The following ADGRE3 variants were observed in gnomAD, a reference collection of about 807,000 sequenced individuals.
The protein encoded by ADGRE3 is EGF-like module receptor 3.
A neutral mutation model predicts 80.1 loss-of-function variants in ADGRE3; 88 were observed. That is an observed-to-expected ratio of 1.10 (90% CI 0.93 to 1.31). The LOEUF (loss-of-function observed/expected upper bound fraction) is 1.31. ADGRE3 is among the 40% of genes most tolerant of loss of function. The pLI is 0.00. For synonymous variants in ADGRE3, 281 were observed against 294.8 expected (o/e 0.95, Z 0.48); for missense variants, 715 against 776.5 (o/e 0.92, Z 0.94).
At chr19:14,628,445 T>A (rs577107165) in intron 14 of ADGRE3, among the ~76,000 whole-genome samples, 40 of 151,456 alleles carry the variant, frequency 2.6e-4, no homozygotes, top group African/African-American at 5.6e-4. Context: ...TCTCAAAAAA[T>A]AAATAAATAA....
intron 10 of ADGRE3, among the ~76,000 whole-genome samples, chr19:14,640,828 G>T (rs1344984909): frequency 6.6e-6 from 1 of 152,082 alleles, no homozygotes; most frequent in Non-Finnish European, 1.5e-5. Flanking sequence ...TTTTATCAGG[G>T]GTTTCTGCTT....
chr19:14,620,597 TGAGACAGGGTTTTGCTC>T (rs1970580291), intron 15 of ADGRE3, among the ~76,000 whole-genome samples: 1 of 77,368 alleles, frequency 1.3e-5, no homozygotes, highest in Non-Finnish European at 2.6e-5. Flanking sequence ...TTTTTTTTTT[TGAGACAGGGTTTTGCTC>T]TGTCACCCAG....
intron 15 of ADGRE3, 43 bp from the exon 16 acceptor site, chr19:14,619,514 T>C: frequency 6.9e-7 from 1 of 1,451,620 alleles, no homozygotes; most frequent in Non-Finnish European, 9.6e-7. Flanking sequence ...AAGGGTAAAA[T>C]AAAGTAAACA....
intron 5 of ADGRE3, 75 bp downstream of exon 5, chr19:14,658,438 T>A: frequency 8.8e-7 from 1 of 1,138,590 alleles, no homozygotes; most frequent in Non-Finnish European, 1.2e-6. Context: ...CCCCATTTGC[T>A]CACTTTGGGC....
chr19:14,651,075 T>A lies in ADGRE3; in HGVS notation c.697+10A>T. The A allele has an allele frequency of 6.2e-7, 1 of 1,613,900 alleles. No individual in the cohort carries two copies. Among genetic ancestry groups the A allele is most frequent in the Non-Finnish European group, 8.5e-7 (1 of 1,179,886 alleles). On this transcript the variant is annotated intron_variant, in intron 7 of 15. Coordinates refer to ENST00000253673, the MANE Select transcript of ADGRE3 (RefSeq NM_032571.5). Reference sequence around the variant, plus strand: ...GTGTGAAGGATTCTGAATGCAGCCATCAGGCATACCTTGTGTGTCTCCCTG... The same window carrying A: ...GTGTGAAGGATTCTGAATGCAGCCAACAGGCATACCTTGTGTGTCTCCCTG...
chr19:14,616,079 A>G (rs2075073832), downstream of ADGRE3, among the ~76,000 whole-genome samples: 1 of 151,074 alleles, frequency 6.6e-6, no homozygotes, highest in Non-Finnish European at 1.5e-5. Context: ...CTACAGGCCT[A>G]TGCCACCACA....
chr19:14,614,020 C>T, the ADGRE3 span, among the ~76,000 whole-genome samples: 6 of 151,040 alleles, frequency 4.0e-5, no homozygotes, highest in Admixed American at 6.6e-5. Context: ...GTTCTCAGGA[C>T]GTGGCCCAGG....
chr19:14,632,740 T>A (rs1265279152), intron 13 of ADGRE3, among the ~76,000 whole-genome samples, 181 bp downstream of exon 13: 1 of 152,056 alleles, frequency 6.6e-6, no homozygotes, highest in East Asian at 1.9e-4. Flanking sequence ...AGATTTTTTC[T>A]TTATCACAGC....
intron 2 of ADGRE3, 52 bp downstream of exon 2, chr19:14,668,750 C>G (rs758853407): frequency 2.7e-5 from 41 of 1,539,848 alleles, no homozygotes; most frequent in Non-Finnish European, 3.3e-5. Context: ...ATGAGTGGCT[C>G]CAGGTCCAGC....
the ADGRE3 span, chr19:14,610,462 AT>A: frequency 4.3e-6 from 2 of 467,422 alleles, no homozygotes; most frequent in South Asian, 4.6e-5. Context: ...GGTTGAAAGG[AT>A]CTTCACTAAG....
chr19:14,604,118 C>T, the ADGRE3 span, among the ~76,000 whole-genome samples: 1 of 152,156 alleles, frequency 6.6e-6, no homozygotes, highest in Non-Finnish European at 1.5e-5. Flanking sequence ...GTGAGGCCTT[C>T]TAAGCCTCCA....
chr19:14,610,901 A>G, the ADGRE3 span: 3 of 152,024 alleles, frequency 2.0e-5, no homozygotes, highest in South Asian at 2.1e-4. Flanking sequence ...GGGTCAAGCA[A>G]TCCTTCCGTG....
At chr19:14,643,377 C>T (rs1234045302) in intron 9 of ADGRE3, among the ~76,000 whole-genome samples, 1 of 151,628 alleles carries the variant, frequency 6.6e-6, no homozygotes, top group Non-Finnish European at 1.5e-5. Flanking sequence ...ATCTCCTGAC[C>T]TCGTGATCTG....
chr19:14,630,964 C>G (rs1286592891), intron 13 of ADGRE3, among the ~76,000 whole-genome samples: 1 of 151,996 alleles, frequency 6.6e-6, no homozygotes, highest in African/African-American at 2.4e-5. Context: ...GATCTCAGCT[C>G]ATGGGTTCAA....
At chr19:14,633,061 G>T in intron 12 of ADGRE3, 49 bp from the exon 13 acceptor site, 3 of 1,448,648 alleles carry the variant, frequency 2.1e-6, no homozygotes, top group South Asian at 1.1e-5. Flanking sequence ...AGTAATGTAT[G>T]GTGTCCACTT....
chr19:14,620,568 ATTTTTTTTTTTTT>A (rs1189295641), intron 15 of ADGRE3, among the ~76,000 whole-genome samples: 348 of 10,988 alleles, frequency 0.032, 36 homozygotes, highest in Non-Finnish European at 0.041. Context: ...ATATATATAT[ATTTTTTTTTTTTT>A]TTTTTTTTTT....
Position 14,655,166 on chromosome 19 carries a change from C to T in ADGRE3, c.394-1G>A. On this transcript the variant is annotated splice_acceptor_variant, in intron 5 of 15. Coordinates refer to ENST00000253673, the MANE Select transcript of ADGRE3 (RefSeq NM_032571.5). LOFTEE classifies it high-confidence loss of function. ...CAAATTTGTCCACAATCTTTTGCAG[C>T]TTTGAAGACATAAAGAATTTTCATT... The T allele has an allele frequency of 6.2e-7, 1 of 1,600,934 alleles. No homozygotes were observed. The highest frequency in any genetic ancestry group is 8.5e-7 in the Non-Finnish European group (1 of 1,175,996).
At chr19:14,652,503 G>A (rs1051341323) in intron 6 of ADGRE3, among the ~76,000 whole-genome samples, 18 of 152,006 alleles carry the variant, frequency 1.2e-4, no homozygotes, top group Admixed American at 9.8e-4. Flanking sequence ...TTTATGGCTG[G>A]GTGCAGTGGC....
chr19:14,647,391 T>TTTTTC lies in ADGRE3; in HGVS notation c.698-31_698-27dup, dbSNP rs750627642. 7 of 1,493,138 alleles carry TTTTTC rather than the reference T, an allele frequency of 4.7e-6. No individual in the cohort carries two copies. The East Asian group carries it at 6.8e-5, about 15-fold the overall frequency. 92.5% of individuals were successfully genotyped at this position (1,493,138 alleles called of 1,614,324 possible). A position where few individuals can be genotyped will look rare whatever the true frequency, so the allele number is the denominator to read the frequency against. On this transcript the variant is annotated intron_variant, in intron 7 of 15. Coordinates refer to ENST00000253673, the MANE Select transcript of ADGRE3 (RefSeq NM_032571.5). ...CTGAGGAAACAGAAAGATGGAATCTTTTTTCTTTTCTTTTCTTTCTTTTTT... is the reference window on the plus strand; with the variant it reads ...CTGAGGAAACAGAAAGATGGAATCTTTTTTCTTTTCTTTTCTTTTCTTTCTTTTTT...
Sources: allele counts gnomAD v4.1 joint callset (sites outside exome capture counted in the v4.1 genomes callset), GRCh38; gene constraint gnomAD v4.1.1; transcripts MANE v1.5; gene names NCBI Gene and HGNC (gene_info 2026-07-23, HGNC 2026-07-21).